NTRK3: variants seen among roughly 807,000 people sequenced by gnomAD.
The protein encoded by NTRK3 is neurotrophic receptor tyrosine kinase 3, also known as NT-3 growth factor receptor.
NTRK3 carries 24 observed loss-of-function variants against 91.7 expected under a neutral mutation model. The observed-to-expected ratio is 0.26, with a 90% CI of 0.19 to 0.37. NTRK3 has a LOEUF of 0.37. Ranked by LOEUF, NTRK3 falls within the 10% of genes least tolerant of loss-of-function variation. The probability of loss-of-function intolerance (pLI) is 1.00; values close to 1 mark genes in which losing one functional copy is unlikely to be tolerated. For missense variants in NTRK3, 880 were observed against 1,068.9 expected (o/e 0.82, Z 2.46); for synonymous variants, 483 against 404.0 (o/e 1.20, Z -2.34).
At chr15:88,043,540 G>A (rs2079859256) in intron 13 of NTRK3, among the ~76,000 whole-genome samples, 3 of 152,148 alleles carry the variant, frequency 2.0e-5, no homozygotes, top group African/African-American at 7.2e-5. Flanking sequence ...AACTGCTACA[G>A]TCCTCATGCC....
intron 5 of NTRK3, among the ~76,000 whole-genome samples, chr15:88,160,246 G>T (rs569160884): frequency 2.0e-5 from 3 of 152,160 alleles, no homozygotes; most frequent in Non-Finnish European, 2.9e-5. Context: ...GGGAAGAGAC[G>T]AGCACGTAGC....
chr15:88,215,213 A>T (rs143867196), intron 3 of NTRK3, among the ~76,000 whole-genome samples: 3 of 152,228 alleles, frequency 2.0e-5, no homozygotes, highest in Non-Finnish European at 4.4e-5. Flanking sequence ...GAGGAAAAAC[A>T]TCCCGGTTTG....
chr15:88,032,208 G>C (rs1404684461), intron 14 of NTRK3, among the ~76,000 whole-genome samples: 1 of 152,120 alleles, frequency 6.6e-6, no homozygotes, highest in Non-Finnish European at 1.5e-5. Context: ...CAGGAGCTCA[G>C]AGGGGGCCTA....
intron 3 of NTRK3, among the ~76,000 whole-genome samples, chr15:88,195,048 G>T (rs1403672614): frequency 1.3e-5 from 2 of 152,196 alleles, no homozygotes; most frequent in Non-Finnish European, 2.9e-5. Context: ...TGCCCCCCAG[G>T]CTTGGGTTGT....
intron 13 of NTRK3, among the ~76,000 whole-genome samples, chr15:88,070,931 G>A (rs1027948846): frequency 6.6e-6 from 1 of 152,148 alleles, no homozygotes; most frequent in African/African-American, 2.4e-5. Context: ...AAGATTCCTA[G>A]CCCTCTAGCA....
chr15:88,202,851 C>A (rs1261845662), intron 3 of NTRK3, among the ~76,000 whole-genome samples: 2 of 152,238 alleles, frequency 1.3e-5, no homozygotes, highest in Non-Finnish European at 2.9e-5. Flanking sequence ...AGAAGGAAAA[C>A]TAGCATTGCT....
exon 19 of NTRK3, chr15:87,869,095 A>G (rs887822056): frequency 1.3e-5 from 3 of 228,854 alleles, no homozygotes; most frequent in Non-Finnish European, 8.7e-6. Flanking sequence ...TTCATGCCTT[A>G]ATTTGCAGTT....
chr15:88,213,702 A>T (rs1002880575), intron 3 of NTRK3, among the ~76,000 whole-genome samples: 1 of 152,154 alleles, frequency 6.6e-6, no homozygotes, highest in African/African-American at 2.4e-5. Flanking sequence ...GGTAAATGCT[A>T]ATACTATCAC....
chr15:87,962,827 G>A (rs745582515), intron 14 of NTRK3, among the ~76,000 whole-genome samples: 5 of 152,194 alleles, frequency 3.3e-5, no homozygotes, highest in Non-Finnish European at 5.9e-5. Flanking sequence ...GAAAGTCATG[G>A]CATCACGCTT....
At chr15:88,035,303 C>T (rs1417168146) in intron 13 of NTRK3, among the ~76,000 whole-genome samples, 4 of 152,146 alleles carry the variant, frequency 2.6e-5, no homozygotes, top group Non-Finnish European at 5.9e-5. Flanking sequence ...CCACTATCAC[C>T]TTGCTCCCTT....
chr15:88,175,652 A>T (rs2045928561), intron 5 of NTRK3, among the ~76,000 whole-genome samples: 1 of 152,128 alleles, frequency 6.6e-6, no homozygotes, highest in Admixed American at 6.5e-5. Context: ...CTAAAGAATA[A>T]TAACAGCAAT....
intron 5 of NTRK3, among the ~76,000 whole-genome samples, chr15:88,161,290 C>G (rs2044430265): frequency 6.6e-6 from 1 of 152,148 alleles, no homozygotes; most frequent in African/African-American, 2.4e-5. Context: ...ACAACTTGCC[C>G]TGGGTCAGTA....
chr15:88,138,274 G>A (rs951217255), intron 6 of NTRK3, among the ~76,000 whole-genome samples: 2 of 151,874 alleles, frequency 1.3e-5, no homozygotes, highest in Admixed American at 6.6e-5. Context: ...GCCGGGCGTG[G>A]TGGTGGGCAC....
At chr15:87,868,495 T>C (rs748771204) in exon 19 of NTRK3, 65 of 219,476 alleles carry the variant, frequency 3.0e-4, no homozygotes, top group Admixed American at 1.0e-3. Flanking sequence ...TTAGAATCAG[T>C]AAAATCTCAG....
At chr15:88,252,029 T>A (rs903756832) in intron 3 of NTRK3, among the ~76,000 whole-genome samples, 2 of 152,080 alleles carry the variant, frequency 1.3e-5, no homozygotes, top group Non-Finnish European at 2.9e-5. Context: ...ACCAATAGCC[T>A]TTCCTTGGTG....
intron 13 of NTRK3, among the ~76,000 whole-genome samples, chr15:88,069,229 T>G (rs907676604): frequency 6.6e-6 from 1 of 152,174 alleles, no homozygotes; most frequent in African/African-American, 2.4e-5. Context: ...TCCTCTTGCC[T>G]TCTCAATCCA....
chr15:88,059,095 G>A (rs1218928340), intron 13 of NTRK3, among the ~76,000 whole-genome samples: 1 of 151,522 alleles, frequency 6.6e-6, no homozygotes, highest in Non-Finnish European at 1.5e-5. Context: ...TCTGGCTACA[G>A]CCATTTAGAG....
intron 14 of NTRK3, among the ~76,000 whole-genome samples, chr15:88,004,402 G>C (rs1167937506): frequency 1.3e-5 from 2 of 152,160 alleles, no homozygotes; most frequent in African/African-American, 4.8e-5. Flanking sequence ...ACTCTCATGT[G>C]GGCAAGAAAA....
intron 14 of NTRK3, among the ~76,000 whole-genome samples, chr15:87,966,820 AG>A (rs2072839292): frequency 6.6e-6 from 1 of 152,196 alleles, no homozygotes; most frequent in African/African-American, 2.4e-5. Context: ...GGCCCTAAAA[AG>A]TGGGGAGGTC....
Sources: allele counts gnomAD v4.1 joint callset (sites outside exome capture counted in the v4.1 genomes callset), GRCh38; gene constraint gnomAD v4.1.1; transcripts MANE v1.5; gene names NCBI Gene and HGNC (gene_info 2026-07-23, HGNC 2026-07-21).